CSMD1: variants seen among roughly 807,000 people sequenced by gnomAD.
CSMD1 encodes CUB and sushi domain-containing protein 1.
CSMD1 carries 213 observed loss-of-function variants against 417.5 expected under a neutral mutation model. The ratio of observed to expected loss-of-function variants is 0.51; its 90% CI spans 0.46 to 0.57. The LOEUF (loss-of-function observed/expected upper bound fraction) is 0.57. Among genes scored for constraint, CSMD1 ranks in the 20% least tolerant of loss-of-function variants. The pLI is 0.00. For missense variants in CSMD1, 6,923 were observed against 4,529.7 expected, an observed-to-expected ratio of 1.53 and a Z score of -15.17; for synonymous variants, 2,862 against 1,736.8, an observed-to-expected ratio of 1.65 and a Z score of -16.11.
At chr8:3,758,480 C>G (rs1797798595) in intron 5 of CSMD1, among the ~76,000 whole-genome samples, 1 of 152,112 alleles carries the variant, frequency 6.6e-6, no homozygotes, top group Non-Finnish European at 1.5e-5. Context: ...GGCCTTAGAA[C>G]TGTGTTGTTA....
chr8:3,510,626 T>A (rs1257299921), intron 10 of CSMD1, among the ~76,000 whole-genome samples: 1 of 151,740 alleles, frequency 6.6e-6, no homozygotes, highest in East Asian at 1.9e-4. Context: ...TGCAGAAGAA[T>A]AACATACGAT....
chr8:3,316,911 A>C (rs964172839), intron 23 of CSMD1, among the ~76,000 whole-genome samples: 2 of 152,158 alleles, frequency 1.3e-5, no homozygotes, highest in Non-Finnish European at 2.9e-5. Context: ...AAGAAAGGAC[A>C]AGCAGGAAAA....
Position 2,942,561 on chromosome 8 carries a change from G to T in CSMD1, c.10446C>A (p.Gly3482=). ...PDQDSSSHYH[G]TSSGSVAAAI... is the part of the protein sequence containing the mutation. ...CAGCCGCCACAGAGCCACTGCTGGT[G>T]CCGTGGTAATGACTGGAAGAGTCTT... The change falls in exon 69 of 70, where the codon GGC becomes GGA. Residue 3482 remains glycine (G), a synonymous_variant. Coordinates refer to ENST00000635120, the MANE Select transcript of CSMD1 (RefSeq NM_033225.6). 1 of 1,606,712 alleles carries T rather than the reference G, an allele frequency of 6.2e-7. No homozygotes were observed.
intron 3 of CSMD1, among the ~76,000 whole-genome samples, chr8:4,244,763 T>C (rs1248382704): frequency 6.6e-6 from 1 of 152,130 alleles, no homozygotes; most frequent in Admixed American, 6.6e-5. Context: ...TTTTGCTACT[T>C]AAAGAAAAAG....
At chr8:3,714,954 T>C (rs1281613335) in intron 6 of CSMD1, among the ~76,000 whole-genome samples, 1 of 152,178 alleles carries the variant, frequency 6.6e-6, no homozygotes, top group Non-Finnish European at 1.5e-5. Context: ...ACTCTCTTTT[T>C]CTAGGAGCAT....
At chr8:4,902,000 G>C (rs575499824) in intron 1 of CSMD1, among the ~76,000 whole-genome samples, 1 of 152,266 alleles carries the variant, frequency 6.6e-6, no homozygotes, top group East Asian at 1.9e-4. Context: ...TCATTTAAGA[G>C]GCTGTAAGGA....
chr8:4,825,259 C>T (rs1290741504), intron 1 of CSMD1, among the ~76,000 whole-genome samples: 2 of 152,080 alleles, frequency 1.3e-5, no homozygotes, highest in Non-Finnish European at 2.9e-5. Context: ...AATATGCATA[C>T]ACCCATGACA....
chr8:3,658,212 C>T (rs890573017), intron 7 of CSMD1, among the ~76,000 whole-genome samples: 4 of 151,972 alleles, frequency 2.6e-5, no homozygotes, highest in Admixed American at 6.6e-5. Flanking sequence ...AAATATGACT[C>T]TCAATGTAAA....
chr8:3,900,359 C>T (rs1202546536), intron 5 of CSMD1, among the ~76,000 whole-genome samples: 1 of 151,352 alleles, frequency 6.6e-6, no homozygotes, highest in Non-Finnish European at 1.5e-5. Flanking sequence ...AGCTGGTTGA[C>T]AGCACAGCTG....
At chr8:3,016,191 C>A (rs74438457) in intron 52 of CSMD1, among the ~76,000 whole-genome samples, 1 of 152,162 alleles carries the variant, frequency 6.6e-6, no homozygotes, top group East Asian at 1.9e-4. Flanking sequence ...TTATAACCTG[C>A]CTCCAAATAT....
At chr8:4,475,921 A>C (rs908518070) in intron 2 of CSMD1, among the ~76,000 whole-genome samples, 2 of 151,918 alleles carry the variant, frequency 1.3e-5, no homozygotes, top group Non-Finnish European at 2.9e-5. Flanking sequence ...CTCTTTTATT[A>C]TACTTTGTTG....
At position 3,652,317 on chromosome 8, in the gene CSMD1, C is replaced by A. The variant is rs544053731; in HGVS notation, c.1010-35520G>T. On this transcript the variant is annotated intron_variant, in intron 7 of 69. Coordinates refer to ENST00000635120, the MANE Select transcript of CSMD1 (RefSeq NM_033225.6). ...CACTGTCAGCATGCTTAACCACCAT[C>A]GGAGTGCTCACCACCATCAGCGTGC... Among the ~76,000 whole-genome samples, 81 of 152,044 alleles carry A rather than the reference C, an allele frequency of 5.3e-4. 1 individual carries two copies. The highest frequency in any genetic ancestry group is 5.1e-3 in the Admixed American group (78 of 15,270).
intron 6 of CSMD1, among the ~76,000 whole-genome samples, chr8:3,733,839 A>G (rs1263842675): frequency 2.0e-5 from 3 of 152,148 alleles, no homozygotes; most frequent in Non-Finnish European, 4.4e-5. Flanking sequence ...GTTATTGTTT[A>G]TCTCATATGT....
chr8:4,392,647 G>GTTA (rs200466780), intron 3 of CSMD1, among the ~76,000 whole-genome samples: 9 of 147,270 alleles, frequency 6.1e-5, no homozygotes, highest in South Asian at 4.2e-4. Context: ...GGGGGGGAGG[G>GTTA]TTATTATTAT....
rs116466041 is a variant in CSMD1 at position 4,608,249 on chromosome 8, C to G, written c.302+29093G>C. The stretch of plus-strand genomic sequence containing the variant: ...AGCATTTTGAGCTGGAGATTTATGA[C>G]TTGATTTCAGTGGTAAAAGTCTGCA... On this transcript the variant is annotated intron_variant, in intron 2 of 69. Transcript: ENST00000635120. 3.4e-3 allele frequency among the ~76,000 whole-genome samples: 523 copies of G among 152,266 alleles called. 2 individuals are homozygous for G. The highest frequency in any genetic ancestry group is 0.012 in the African/African-American group (499 of 41,540).
chr8:3,661,184 T>G (rs1265382443), intron 7 of CSMD1, among the ~76,000 whole-genome samples: 4 of 152,156 alleles, frequency 2.6e-5, no homozygotes, highest in African/African-American at 9.7e-5. Flanking sequence ...TGCAACTAAC[T>G]GAACAGGCAG....
rs183283906 is a variant in CSMD1 at position 3,014,280 on chromosome 8, T to C, written c.8029+4197A>G. Reference sequence around the variant, plus strand: ...AAAAAAAAATGGATGCAAACTCACATGGTGTCTTGGAAACTATATTAGTTC... The same window carrying C: ...AAAAAAAAATGGATGCAAACTCACACGGTGTCTTGGAAACTATATTAGTTC... On this transcript the variant is annotated intron_variant, in intron 52 of 69. Transcript: ENST00000635120. Among the ~76,000 whole-genome samples, 101 of 152,286 alleles carry C rather than the reference T, an allele frequency of 6.6e-4. No homozygotes were observed. In the Middle Eastern group the frequency reaches 0.017, roughly 26 times the overall value.
chr8:4,014,859 T>C (rs527888193), intron 4 of CSMD1, among the ~76,000 whole-genome samples: 113 of 152,246 alleles, frequency 7.4e-4, no homozygotes, highest in African/African-American at 2.6e-3. Context: ...ATTTTAGAAA[T>C]ACTACAAAGT....
At chr8:3,410,508 T>A (rs1812619609) in intron 12 of CSMD1, among the ~76,000 whole-genome samples, 1 of 152,098 alleles carries the variant, frequency 6.6e-6, no homozygotes, top group African/African-American at 2.4e-5. Flanking sequence ...GTCTGATGGT[T>A]TTCTAAGGGG....
Sources: gnomAD v4.1 joint callset for allele counts (sites outside exome capture counted in the v4.1 genomes callset) on GRCh38, gnomAD v4.1.1 for gene constraint, MANE v1.5 for transcripts, NCBI Gene and HGNC (gene_info 2026-07-23, HGNC 2026-07-21) for gene names.